Variants in LSAMP observed in about 807,000 individuals in gnomAD.
LSAMP encodes the protein limbic system-associated membrane protein.
LSAMP carries 7 observed loss-of-function variants against 38.6 expected under a neutral mutation model. That is an observed-to-expected ratio of 0.18 (90% CI 0.10 to 0.34). The LOEUF (loss-of-function observed/expected upper bound fraction) is 0.34. LSAMP is among the 10% of genes least tolerant of loss of function. LSAMP has a pLI of 1.00. For synonymous variants in LSAMP, 154 were observed against 166.8 expected (o/e 0.92, Z 0.59); for missense variants, 313 against 420.0 (o/e 0.75, Z 2.23).
chr3:116,046,747 A>AT (rs2107726493), intron 2 of LSAMP, among the ~76,000 whole-genome samples: 1 of 152,362 alleles, frequency 6.6e-6, no homozygotes, highest in Admixed American at 6.5e-5. Flanking sequence ...TGCCCAAATA[A>AT]TAAGCATCTT....
At chr3:116,210,999 C>A (rs2046149348) in intron 1 of LSAMP, among the ~76,000 whole-genome samples, 1 of 150,944 alleles carries the variant, frequency 6.6e-6, no homozygotes, top group Non-Finnish European at 1.5e-5. Context: ...ACTACTCAAC[C>A]TTAAAAAAAA....
chr3:115,995,180 C>T (rs1939780491), intron 3 of LSAMP, among the ~76,000 whole-genome samples: 1 of 152,088 alleles, frequency 6.6e-6, no homozygotes. Flanking sequence ...TGTCCTGCCC[C>T]AGAGGCCATC....
intron 1 of LSAMP, among the ~76,000 whole-genome samples, chr3:116,228,259 A>T (rs1472077522): frequency 6.6e-6 from 1 of 152,096 alleles, no homozygotes; most frequent in African/African-American, 2.4e-5. Context: ...TATTGCTAAG[A>T]CTAAACATAT....
At chr3:116,065,717 T>C (rs1303501712) in intron 2 of LSAMP, among the ~76,000 whole-genome samples, 1 of 152,194 alleles carries the variant, frequency 6.6e-6, no homozygotes, top group Non-Finnish European at 1.5e-5. Flanking sequence ...AAATTAAATA[T>C]GCCCAAGAGA....
chr3:116,094,100 C>CA (rs1471575609), intron 1 of LSAMP, among the ~76,000 whole-genome samples: 3 of 151,956 alleles, frequency 2.0e-5, no homozygotes, highest in Non-Finnish European at 2.9e-5. Flanking sequence ...GCAAACACAT[C>CA]AAAAAAATAA....
At chr3:116,044,595 A>T (rs1941248891) in intron 2 of LSAMP, among the ~76,000 whole-genome samples, 1 of 151,616 alleles carries the variant, frequency 6.6e-6, no homozygotes, top group African/African-American at 2.4e-5. Flanking sequence ...CACAGTTAGC[A>T]GCTGAAAGTA....
intron 2 of LSAMP, among the ~76,000 whole-genome samples, chr3:116,061,848 G>A (rs1346866966): frequency 6.6e-6 from 1 of 152,206 alleles, no homozygotes; most frequent in South Asian, 2.1e-4. Context: ...TGTATAAATC[G>A]TTAGTAATTT....
At chr3:116,237,363 T>A (rs1339063047) in intron 1 of LSAMP, among the ~76,000 whole-genome samples, 1 of 152,184 alleles carries the variant, frequency 6.6e-6, no homozygotes, top group Non-Finnish European at 1.5e-5. Flanking sequence ...ATATCCTTTT[T>A]TCTTCCTTTC....
At chr3:116,263,210 T>A (rs2046848781) in intron 1 of LSAMP, among the ~76,000 whole-genome samples, 1 of 152,172 alleles carries the variant, frequency 6.6e-6, no homozygotes, top group Non-Finnish European at 1.5e-5. Flanking sequence ...GAACTATGTC[T>A]GCTCTCAACC....
intron 1 of LSAMP, among the ~76,000 whole-genome samples, chr3:116,357,344 A>C (rs2048239559): frequency 6.6e-6 from 1 of 152,184 alleles, no homozygotes; most frequent in Admixed American, 6.5e-5. Flanking sequence ...ATTTGCCCTG[A>C]AAAGTAAATG....
In LSAMP at chr3:116,415,571, C is replaced by T. The variant is rs186741858; in HGVS notation, c.155+29306G>A. Reference sequence around the variant, plus strand: ...TTGGTACAGTGGCAGGAAGAATTACCCAGATCATCTTGGTTTTCTCGTTTC... The same window carrying T: ...TTGGTACAGTGGCAGGAAGAATTACTCAGATCATCTTGGTTTTCTCGTTTC... On this transcript the variant is annotated intron_variant, in intron 1 of 6. Transcript: ENST00000490035. Among the ~76,000 whole-genome samples the T allele has an allele frequency of 2.6e-5, 4 of 152,154 alleles. No individual in the cohort carries two copies. The East Asian group carries it at 7.7e-4, about 29-fold the overall frequency.
At chr3:116,014,350 A>G (rs776804284) in intron 3 of LSAMP, among the ~76,000 whole-genome samples, 5 of 152,184 alleles carry the variant, frequency 3.3e-5, no homozygotes, top group Non-Finnish European at 4.4e-5. Flanking sequence ...TGTGAGATGG[A>G]GGTCAAGATT....
chr3:116,222,361 T>C, intron 1 of LSAMP, among the ~76,000 whole-genome samples: 1 of 152,104 alleles, frequency 6.6e-6, no homozygotes. Flanking sequence ...TGGATGAAGC[T>C]GCTTTTTAAT....
rs967313793 is a variant in LSAMP, at chr3:116,339,467, G to T, written c.155+105410C>A. Among the ~76,000 whole-genome samples, 3 of 146,376 alleles carry T rather than the reference G, an allele frequency of 2.0e-5. No homozygotes were observed. The East Asian group carries it at 6.0e-4, about 29-fold the overall frequency. On this transcript the variant is annotated intron_variant, in intron 1 of 6. Transcript: ENST00000490035. ...AATGACCGTCACAGCCACTAATGAA[G>T]TTTTTTTTTTTATTATTATGATACT...
chr3:116,263,493 G>A (rs534223116), intron 1 of LSAMP, among the ~76,000 whole-genome samples: 6 of 150,614 alleles, frequency 4.0e-5, no homozygotes, highest in South Asian at 2.1e-4. Flanking sequence ...AGCCAAGATC[G>A]CGCCACTGCA....
intron 1 of LSAMP, among the ~76,000 whole-genome samples, chr3:116,234,338 G>T (rs1244138013): frequency 6.6e-6 from 1 of 152,122 alleles, no homozygotes; most frequent in Non-Finnish European, 1.5e-5. Flanking sequence ...AATAATTCAT[G>T]AAATGACCAA....
chr3:116,204,899 C>T (rs2046044609), intron 1 of LSAMP, among the ~76,000 whole-genome samples: 1 of 141,298 alleles, frequency 7.1e-6, no homozygotes, highest in South Asian at 2.5e-4. Flanking sequence ...TTTTTTGGTT[C>T]CATATGAACT....
chr3:116,427,695 G>T (rs1017015928), intron 1 of LSAMP, among the ~76,000 whole-genome samples: 1 of 152,042 alleles, frequency 6.6e-6, no homozygotes, highest in Admixed American at 6.6e-5. Flanking sequence ...GGAATGGCCC[G>T]TGCAAGTAAG....
chr3:116,145,866 AT>A (rs1191770917), intron 1 of LSAMP, among the ~76,000 whole-genome samples: 3 of 151,800 alleles, frequency 2.0e-5, no homozygotes, highest in East Asian at 3.9e-4. Context: ...TTTTGCATAG[AT>A]TTTTTAATTG....
Sources: gnomAD v4.1 joint callset for allele counts (sites outside exome capture counted in the v4.1 genomes callset) on GRCh38, gnomAD v4.1.1 for gene constraint, MANE v1.5 for transcripts, NCBI Gene and HGNC (gene_info 2026-07-23, HGNC 2026-07-21) for gene names.